The following RTN4IP1 variants were observed in gnomAD, a reference collection of about 807,000 sequenced individuals.
The protein encoded by RTN4IP1 is NAD(P)H oxidoreductase RTN4IP1, mitochondrial.
A neutral mutation model predicts 46.6 loss-of-function variants in RTN4IP1; 32 were observed. The observed-to-expected ratio is 0.69, with a 90% confidence interval of 0.52 to 0.92. The LOEUF is 0.92. Ranked by LOEUF, RTN4IP1 falls within the 40% of genes least tolerant of loss-of-function variation. The pLI is 0.00. For synonymous variants in RTN4IP1, 167 were observed against 161.8 expected (o/e 1.03, Z -0.24); for missense variants, 424 against 485.8 (o/e 0.87, Z 1.20).
intron 7 of RTN4IP1, among the ~76,000 whole-genome samples, chr6:106,587,111 G>A (rs4946770): frequency 0.26 from 39,889 of 152,166 alleles, 5,958 homozygotes; most frequent in South Asian, 0.35. Context: ...TCAAGTAAAA[G>A]TACAACTTGT....
chr6:106,612,646 T>C (rs1430384363), intron 4 of RTN4IP1, among the ~76,000 whole-genome samples: 1 of 3,990 alleles, frequency 2.5e-4, no homozygotes, highest in Non-Finnish European at 5.9e-3. Flanking sequence ...TAAAGCAACC[T>C]TTTACAATTA....
intron 5 of RTN4IP1, among the ~76,000 whole-genome samples, chr6:106,601,066 A>G (rs535110492): frequency 6.6e-6 from 1 of 152,228 alleles, no homozygotes; most frequent in African/African-American, 2.4e-5. Context: ...TGAGTGTTCT[A>G]ATTTATTTAC....
intron 5 of RTN4IP1, among the ~76,000 whole-genome samples, chr6:106,597,392 T>A (rs1226583264): frequency 6.6e-6 from 1 of 152,198 alleles, no homozygotes; most frequent in Non-Finnish European, 1.5e-5. Context: ...CTGTCCAGGC[T>A]GAAGTGCAGT....
At chr6:106,613,836 T>C (rs1776286661) in intron 4 of RTN4IP1, among the ~76,000 whole-genome samples, 1 of 152,206 alleles carries the variant, frequency 6.6e-6, no homozygotes, top group Admixed American at 6.5e-5. Context: ...TGACAAAACC[T>C]AGGTCTCTAC....
intron 8 of RTN4IP1, among the ~76,000 whole-genome samples, chr6:106,579,903 C>G (rs1226296062): frequency 6.6e-6 from 1 of 151,804 alleles, no homozygotes; most frequent in Non-Finnish European, 1.5e-5. Context: ...CATGAGCCAC[C>G]ACGCCCAGCT....
At chr6:106,573,000 G>GCA (rs1775117450) in intron 8 of RTN4IP1, among the ~76,000 whole-genome samples, 1 of 152,202 alleles carries the variant, frequency 6.6e-6, no homozygotes, top group Non-Finnish European at 1.5e-5. Flanking sequence ...TGGGCTTCGA[G>GCA]AATACTTGGC....
chr6:106,596,927 G>A (rs759565365), intron 5 of RTN4IP1, among the ~76,000 whole-genome samples: 36 of 152,226 alleles, frequency 2.4e-4, no homozygotes, highest in Admixed American at 4.6e-4. Flanking sequence ...TCTGCCAAAA[G>A]TGTTACTGCC....
Position 106,572,104 on chromosome 6 carries a change from C to G in RTN4IP1, c.1084-1G>C, listed in dbSNP as rs1335463285. On this transcript the variant is annotated splice_acceptor_variant, in intron 8 of 8. Transcript: ENST00000369063. LOFTEE classifies it high-confidence loss of function. ...AGGTTTGTTCAATAACTGGCCGGAT[C>G]TGTAAAACATAAGAGGTTGACCGGT... is the stretch of plus-strand genomic sequence containing the variant. 3 of 1,611,014 alleles carry G rather than the reference C, an allele frequency of 1.9e-6. No individual in the cohort carries two copies. Among genetic ancestry groups the G allele is most frequent in the South Asian group, 2.2e-5 (2 of 90,918 alleles).
At chr6:106,573,333 G>A (rs1048771473) in intron 8 of RTN4IP1, among the ~76,000 whole-genome samples, 9 of 152,180 alleles carry the variant, frequency 5.9e-5, no homozygotes, top group Admixed American at 5.9e-4. Context: ...TACATTTTAC[G>A]CTTTCCTTTT....
At chr6:106,581,861 C>A (rs1466941514) in intron 8 of RTN4IP1, among the ~76,000 whole-genome samples, 2 of 152,162 alleles carry the variant, frequency 1.3e-5, no homozygotes, top group East Asian at 3.8e-4. Context: ...GAGCAGATAG[C>A]AGGACAAGCA....
At chr6:106,602,685 G>C (rs1187546550) in intron 5 of RTN4IP1, among the ~76,000 whole-genome samples, 189 bp downstream of exon 5, 1 of 152,078 alleles carries the variant, frequency 6.6e-6, no homozygotes, top group Non-Finnish European at 1.5e-5. Context: ...GACACAGCAA[G>C]ACTCCATCTC....
intron 5 of RTN4IP1, among the ~76,000 whole-genome samples, chr6:106,595,476 T>G (rs1245450520): frequency 6.6e-6 from 1 of 150,664 alleles, no homozygotes; most frequent in Non-Finnish European, 1.5e-5. Flanking sequence ...CTTCTTTTAT[T>G]TAAGTAGTTG....
intron 6 of RTN4IP1, among the ~76,000 whole-genome samples, chr6:106,590,271 C>A (rs551192961): frequency 1.3e-5 from 2 of 152,112 alleles, no homozygotes; most frequent in South Asian, 4.2e-4. Context: ...GCCAAGATCA[C>A]GCCATTGCAC....
At position 106,607,729 on chromosome 6, in the gene RTN4IP1, C is replaced by T. The variant is rs187323625; in HGVS notation, c.621-4807G>A. 58 of 152,062 alleles carry T rather than the reference C, an allele frequency of 3.8e-4. No homozygotes were observed. In the East Asian group the frequency reaches 0.01, roughly 27 times the overall value. 9.4% of individuals were successfully genotyped at this position (152,062 alleles called of 1,614,324 possible). A position where few individuals can be genotyped will look rare whatever the true frequency, so the allele number is the denominator to read the frequency against. On this transcript the variant is annotated intron_variant, in intron 4 of 8. Coordinates refer to ENST00000369063, the MANE Select transcript of RTN4IP1 (RefSeq NM_032730.5). Reference sequence around the variant, plus strand: ...AGACAAAAAACAGGGCTTACTTAGGCAGCACATATACTAAAATTGGAATGA... The same window carrying T: ...AGACAAAAAACAGGGCTTACTTAGGTAGCACATATACTAAAATTGGAATGA...
chr6:106,577,356 G>A (rs1262743220), intron 8 of RTN4IP1, among the ~76,000 whole-genome samples: 2 of 147,178 alleles, frequency 1.4e-5, no homozygotes, highest in African/African-American at 5.1e-5. Context: ...GCTGAGGTGG[G>A]AGGATCACTT....
chr6:106,603,684 G>T (rs1035298767), intron 4 of RTN4IP1, among the ~76,000 whole-genome samples: 19 of 152,176 alleles, frequency 1.2e-4, no homozygotes, highest in Non-Finnish European at 1.9e-4. Flanking sequence ...AAGGAATCTA[G>T]ACCTATCATC....
chr6:106,580,564 C>T lies in RTN4IP1; in HGVS notation c.1083+2764G>A, dbSNP rs111648739. On this transcript the variant is annotated intron_variant, in intron 8 of 8. Coordinates refer to ENST00000369063, the MANE Select transcript of RTN4IP1 (RefSeq NM_032730.5). ...CGAAACCCCATCTCTACTAAAAATA[C>T]AAAAATTAGCCAGGTGTGGTGGTGG... Among the ~76,000 whole-genome samples, 437 of 151,784 alleles carry T rather than the reference C, an allele frequency of 2.9e-3. 3 individuals carry two copies. Among genetic ancestry groups the T allele is most frequent in the African/African-American group, 0.01 (425 of 41,410 alleles).
chr6:106,622,743 TGC>T (rs1776513056), intron 2 of RTN4IP1, 73 bp downstream of exon 2: 1 of 1,460,202 alleles, frequency 6.8e-7, no homozygotes, highest in South Asian at 1.3e-5. Context: ...TGTGTCAGTG[TGC>T]GTCTCTCATC....
intron 6 of RTN4IP1, among the ~76,000 whole-genome samples, chr6:106,588,463 G>A (rs1186599432): frequency 6.6e-6 from 1 of 152,118 alleles, no homozygotes; most frequent in African/African-American, 2.4e-5. Flanking sequence ...TTGGTTTCAG[G>A]TACAGCATCA....
Sources: allele counts gnomAD v4.1 joint callset (sites outside exome capture counted in the v4.1 genomes callset), GRCh38; gene constraint gnomAD v4.1.1; transcripts MANE v1.5; gene names NCBI Gene and HGNC (gene_info 2026-07-23, HGNC 2026-07-21).